PARD3B: variants seen among roughly 807,000 people sequenced by gnomAD.
The protein encoded by PARD3B is partitioning defective 3 homolog B.
PARD3B carries 103 observed loss-of-function variants against 130.2 expected under a neutral mutation model. The observed-to-expected ratio is 0.79, with a 90% CI of 0.67 to 0.93. PARD3B has a LOEUF of 0.93. PARD3B is among the 40% of genes least tolerant of loss of function. PARD3B has a pLI of 0.00. For synonymous variants in PARD3B, 583 were observed against 553.2 expected (o/e 1.05, Z -0.76); for missense variants, 1,609 against 1,499.2 (o/e 1.07, Z -1.21).
At chr2:204,585,961 T>C (rs2032805186) in intron 1 of PARD3B, among the ~76,000 whole-genome samples, 1 of 152,184 alleles carries the variant, frequency 6.6e-6, no homozygotes, top group African/African-American at 2.4e-5. Flanking sequence ...CTTTACTATA[T>C]CATTTAAAAG....
chr2:205,329,360 T>G (rs1003736598), intron 18 of PARD3B, among the ~76,000 whole-genome samples: 2 of 152,202 alleles, frequency 1.3e-5, no homozygotes, highest in Non-Finnish European at 2.9e-5. Context: ...GAGAACAGTT[T>G]TGGGGCAATA....
chr2:204,989,258 GA>G (rs1273551720), intron 3 of PARD3B, among the ~76,000 whole-genome samples: 1 of 151,876 alleles, frequency 6.6e-6, no homozygotes, highest in East Asian at 1.9e-4. Context: ...GCATGCTCAG[GA>G]AAAAGAAAAA....
intron 1 of PARD3B, among the ~76,000 whole-genome samples, chr2:204,613,097 T>C (rs757547847): frequency 6.6e-6 from 1 of 152,162 alleles, no homozygotes; most frequent in Non-Finnish European, 1.5e-5. Context: ...TTTGTTTGTT[T>C]AGTGATATTT....
At chr2:205,041,547 C>T (rs1698397627) in intron 3 of PARD3B, among the ~76,000 whole-genome samples, 1 of 152,022 alleles carries the variant, frequency 6.6e-6, no homozygotes, top group Non-Finnish European at 1.5e-5. Flanking sequence ...TCCACGTTGC[C>T]CTTCTAGCCT....
chr2:204,997,994 A>G (rs1016080132), intron 3 of PARD3B, among the ~76,000 whole-genome samples: 2 of 149,830 alleles, frequency 1.3e-5, no homozygotes, highest in African/African-American at 4.9e-5. Context: ...ATACACATAT[A>G]ATCAATATTG....
intron 2 of PARD3B, among the ~76,000 whole-genome samples, chr2:204,959,273 C>G (rs972351986): frequency 1.6e-4 from 24 of 152,136 alleles, no homozygotes; most frequent in African/African-American, 5.8e-4. Flanking sequence ...ATGATGATTT[C>G]CAGCTTCATC....
chr2:205,343,841 C>T (rs891664799), intron 18 of PARD3B, among the ~76,000 whole-genome samples: 1 of 152,044 alleles, frequency 6.6e-6, no homozygotes, highest in Non-Finnish European at 1.5e-5. Flanking sequence ...CACCCTCACC[C>T]CCTATGCCTG....
At chr2:204,692,174 G>A (rs2037386193) in intron 2 of PARD3B, among the ~76,000 whole-genome samples, 1 of 151,984 alleles carries the variant, frequency 6.6e-6, no homozygotes, top group Admixed American at 6.6e-5. Context: ...GAAGTATTTT[G>A]TTCTACTTTA....
chr2:204,856,724 T>A (rs987517000), intron 2 of PARD3B, among the ~76,000 whole-genome samples: 1 of 152,130 alleles, frequency 6.6e-6, no homozygotes, highest in African/African-American at 2.4e-5. Context: ...TGTTGTGAGA[T>A]AAAAGTTCAA....
intron 2 of PARD3B, among the ~76,000 whole-genome samples, chr2:204,822,849 G>T (rs894436306): frequency 6.6e-6 from 1 of 152,100 alleles, no homozygotes; most frequent in Admixed American, 6.5e-5. Flanking sequence ...ATAATTTTTT[G>T]AAAATATTAA....
At chr2:204,659,895 C>T (rs72930286) in intron 1 of PARD3B, among the ~76,000 whole-genome samples, 163 of 152,250 alleles carry the variant, frequency 1.1e-3, no homozygotes, top group Non-Finnish European at 1.7e-3. Context: ...CCTTTTGATG[C>T]TAAACATAAA....
chr2:205,313,009 A>G (rs183737527), intron 18 of PARD3B, among the ~76,000 whole-genome samples: 55 of 152,296 alleles, frequency 3.6e-4, no homozygotes, highest in Non-Finnish European at 6.6e-4. Flanking sequence ...GCTTGCAACT[A>G]AGCACCAGAG....
chr2:205,462,405 G>C (rs572041330), intron 20 of PARD3B, among the ~76,000 whole-genome samples: 7 of 152,122 alleles, frequency 4.6e-5, no homozygotes, highest in African/African-American at 1.7e-4. Flanking sequence ...ACCTGCACAT[G>C]CATTCTTAGT....
At chr2:205,392,338 A>G (rs2105981773) in intron 18 of PARD3B, among the ~76,000 whole-genome samples, 1 of 152,296 alleles carries the variant, frequency 6.6e-6, no homozygotes, top group South Asian at 2.1e-4. Flanking sequence ...ATGACCACCA[A>G]TTTCAGGGCC....
chr2:205,462,816 C>T (rs142404485), intron 20 of PARD3B, among the ~76,000 whole-genome samples: 1 of 152,154 alleles, frequency 6.6e-6, no homozygotes, highest in Non-Finnish European at 1.5e-5. Flanking sequence ...ATTGCAGACT[C>T]TTAGTCTAGT....
intron 4 of PARD3B, among the ~76,000 whole-genome samples, chr2:205,075,599 A>G (rs1229766056): frequency 6.6e-6 from 1 of 151,572 alleles, no homozygotes; most frequent in East Asian, 1.9e-4. Context: ...AATTATTTCT[A>G]TACTTCTTAT....
At position 204,545,773 on chromosome 2, in the gene PARD3B, C is replaced by G. The variant is rs558464725; in HGVS notation, c.-227C>G. The G allele has an allele frequency of 8.2e-5, 36 of 437,028 alleles. No individual in the cohort carries two copies. In the South Asian group the frequency reaches 9.3e-4, roughly 11 times the overall value. The allele number at this position is 437,028 out of a possible 1,614,324, so 27.1% of individuals were successfully genotyped here. On this transcript the variant is annotated 5_prime_UTR_variant, in exon 1 of 23. Transcript: ENST00000406610. ...TGCCGCGTCCCGGGCCGCCGGGCAC[C>G]TGGGAGGTAACCCCTTTCCGCGGCC...
At chr2:205,431,530 C>T (rs926830366) in intron 19 of PARD3B, among the ~76,000 whole-genome samples, 19 of 151,464 alleles carry the variant, frequency 1.3e-4, no homozygotes, top group Admixed American at 1.2e-3. Context: ...AGTGCAGTGG[C>T]GCTATCTCTG....
chr2:204,872,036 CAAA>C (rs1030382008), intron 2 of PARD3B, among the ~76,000 whole-genome samples: 2 of 152,018 alleles, frequency 1.3e-5, no homozygotes, highest in African/African-American at 4.8e-5. Context: ...AAAATCAAAA[CAAA>C]GAAAAACACC....
Sources: allele counts gnomAD v4.1 joint callset (sites outside exome capture counted in the v4.1 genomes callset), GRCh38; gene constraint gnomAD v4.1.1; transcripts MANE v1.5; gene names NCBI Gene and HGNC (gene_info 2026-07-23, HGNC 2026-07-21).